ARHGEF10: variants seen among roughly 807,000 people sequenced by gnomAD.
The protein encoded by ARHGEF10 is Rho guanine nucleotide exchange factor (GEF) 10.
In ARHGEF10, 140 loss-of-function variants were observed where a neutral mutation model predicts 147.4. The observed-to-expected ratio is 0.95, with a 90% CI of 0.83 to 1.09. The LOEUF (loss-of-function observed/expected upper bound fraction) is 1.09. Among genes scored for constraint, ARHGEF10 ranks in the 50% least tolerant of loss-of-function variants. ARHGEF10 has a pLI of 0.00. For synonymous variants in ARHGEF10, 902 were observed against 695.8 expected (o/e 1.30, Z -4.67); for missense variants, 2,222 against 1,752.7 (o/e 1.27, Z -4.78).
chr8:1,831,008 G>A (rs1016839929), intron 1 of ARHGEF10, among the ~76,000 whole-genome samples: 1 of 152,278 alleles, frequency 6.6e-6, no homozygotes, highest in African/African-American at 2.4e-5. Flanking sequence ...GCCAGGGCTG[G>A]AGGGCCGAAG....
At chr8:1,856,079 C>G (rs1202467583) in intron 2 of ARHGEF10, among the ~76,000 whole-genome samples, 3 of 152,146 alleles carry the variant, frequency 2.0e-5, no homozygotes, top group Non-Finnish European at 2.9e-5. Context: ...TTTGATTAGG[C>G]TTAAATTCAA....
chr8:1,824,968 G>C (rs1372306490), intron 1 of ARHGEF10, among the ~76,000 whole-genome samples: 1 of 41,708 alleles, frequency 2.4e-5, no homozygotes, highest in Non-Finnish European at 4.5e-5. Context: ...CACCCCACCT[G>C]TCCCCTCGCA....
At chr8:1,878,478 C>G (rs1433874383) in intron 8 of ARHGEF10, among the ~76,000 whole-genome samples, 1 of 152,212 alleles carries the variant, frequency 6.6e-6, no homozygotes, top group African/African-American at 2.4e-5. Flanking sequence ...AGCCACTGCA[C>G]CCGGCCTGCA....
rs1010543931 is a variant in ARHGEF10 at position 1,836,382 on chromosome 8, C to T, written c.-47-6971C>T. ...CTGCCCCCAGGGTCCATCTCACCTG[C>T]ACCAGGGCAGGGAGAGTGAGCCCCA... On this transcript the variant is annotated intron_variant, in intron 1 of 28. Coordinates refer to ENST00000349830, the MANE Select transcript of ARHGEF10 (RefSeq NM_014629.4). Among the ~76,000 whole-genome samples, 4 of 152,156 alleles carry T rather than the reference C, an allele frequency of 2.6e-5. No homozygotes were observed. In the East Asian group the frequency reaches 7.7e-4, roughly 29 times the overall value.
At chr8:1,873,502 TTTCCTCGTTTGAGAGGCGCCC>T (rs1459116802) in intron 7 of ARHGEF10, among the ~76,000 whole-genome samples, 2 of 110,798 alleles carry the variant, frequency 1.8e-5, no homozygotes, top group Admixed American at 1.7e-4. Context: ...TGCACCCGCA[TTTCCTCGTTTGAGAGGCGCCC>T]GCGGGGTAGT....
chr8:1,889,957 G>A (rs987593684), intron 11 of ARHGEF10, among the ~76,000 whole-genome samples: 1 of 149,418 alleles, frequency 6.7e-6, no homozygotes, highest in African/African-American at 2.5e-5. Context: ...ACACTGAGTG[G>A]GGGAGGGGTA....
At chr8:1,827,597 C>A (rs948337411) in intron 1 of ARHGEF10, among the ~76,000 whole-genome samples, 2 of 152,238 alleles carry the variant, frequency 1.3e-5, no homozygotes, top group African/African-American at 4.8e-5. Flanking sequence ...TGAGCCACTG[C>A]ATGCCCCGTC....
chr8:1,945,364 G>GC, intron 26 of ARHGEF10, 117 bp from the exon 27 acceptor site: 1 of 1,264,788 alleles, frequency 7.9e-7, no homozygotes, highest in Non-Finnish European at 1.1e-6. Flanking sequence ...TTGGAGCAAA[G>GC]CCTGCTACTG....
In ARHGEF10 at chr8:1,867,451, G is replaced by A. The variant is rs761035624; in HGVS notation, c.622+849G>A. 7.2e-5 allele frequency among the ~76,000 whole-genome samples: 11 copies of A among 152,170 alleles called. No individual in the cohort carries two copies. The East Asian group carries it at 1.5e-3, about 21-fold the overall frequency. ...CCTTGAAATGAGAGCAGTCTGCAAC[G>A]TAAACAGAGCAAAGAATTCCAAACT... On this transcript the variant is annotated intron_variant, in intron 6 of 28. Transcript: ENST00000349830.
intron 9 of ARHGEF10, among the ~76,000 whole-genome samples, chr8:1,880,717 C>T (rs1023658612): frequency 1.3e-5 from 2 of 152,156 alleles, no homozygotes; most frequent in Non-Finnish European, 2.9e-5. Flanking sequence ...AGTGTCGTGA[C>T]AGTCTGTTCT....
At chr8:1,829,927 C>A (rs1802986916) in intron 1 of ARHGEF10, among the ~76,000 whole-genome samples, 2 of 152,208 alleles carry the variant, frequency 1.3e-5, no homozygotes, top group African/African-American at 4.8e-5. Flanking sequence ...ATGAAAGGTG[C>A]AGCGTTTTGC....
In ARHGEF10 at chr8:1,826,348, GTGTA is replaced by G. The variant is rs1406027503; in HGVS notation, c.-48+2239_-48+2242del. Among the ~76,000 whole-genome samples the G allele has an allele frequency of 2.6e-5, 4 of 152,102 alleles. No homozygotes were observed. The East Asian group carries it at 7.7e-4, about 29-fold the overall frequency. On this transcript the variant is annotated intron_variant, in intron 1 of 28. Coordinates refer to ENST00000349830, the MANE Select transcript of ARHGEF10 (RefSeq NM_014629.4). ...TGTGCATACGTGTGCGTGTGTCTTT[GTGTA>G]TGTGTTTGTGTTTGTATGCATGTGT...
intron 26 of ARHGEF10, 25 bp downstream of exon 26, chr8:1,933,967 G>T: frequency 6.2e-7 from 1 of 1,614,142 alleles, no homozygotes. Context: ...TGGCTACACG[G>T]TGTGGAAAAA....
At chr8:1,862,485 C>T (rs892044128) in intron 4 of ARHGEF10, among the ~76,000 whole-genome samples, 1 of 152,230 alleles carries the variant, frequency 6.6e-6, no homozygotes, top group Non-Finnish European at 1.5e-5. Context: ...GCTGTTTAGG[C>T]GACTCCCTGG....
chr8:1,836,932 G>A (rs889218060), intron 1 of ARHGEF10, among the ~76,000 whole-genome samples: 6 of 152,146 alleles, frequency 3.9e-5, no homozygotes, highest in East Asian at 3.8e-4. Flanking sequence ...CCGCCGCCAC[G>A]TAAGAAGTGC....
chr8:1,868,438 A>T (rs1272630200), intron 6 of ARHGEF10, among the ~76,000 whole-genome samples: 4 of 152,204 alleles, frequency 2.6e-5, no homozygotes, highest in African/African-American at 9.6e-5. Flanking sequence ...TTTTTATGAA[A>T]CGGATTTTCA....
Position 1,957,301 on chromosome 8 carries a change from A to G in ARHGEF10, c.*38A>G. On this transcript the variant is annotated 3_prime_UTR_variant, in exon 29 of 29. Coordinates refer to ENST00000349830, the MANE Select transcript of ARHGEF10 (RefSeq NM_014629.4). ...CCTTCTGCTGTCAGAATTTGCAATC[A>G]AGGGTGACTTCTCAGCTAATCCTAC... 6.3e-7 allele frequency: 1 copy of G among 1,593,444 alleles called. No individual in the cohort carries two copies. The highest frequency in any genetic ancestry group is 8.5e-7 in the Non-Finnish European group (1 of 1,173,016).
intron 11 of ARHGEF10, 103 bp from the exon 12 acceptor site, chr8:1,893,466 A>G (rs777755660): frequency 2.2e-5 from 18 of 804,304 alleles, no homozygotes; most frequent in Non-Finnish European, 3.9e-5. Flanking sequence ...TGTTTTCTAA[A>G]AATAGAAAAG....
At chr8:1,879,309 C>A (rs1368224849) in intron 8 of ARHGEF10, among the ~76,000 whole-genome samples, 1 of 152,004 alleles carries the variant, frequency 6.6e-6, no homozygotes, top group African/African-American at 2.4e-5. Context: ...GCTGCCATCC[C>A]CAAAATATGT....
Sources: gnomAD v4.1 joint callset for allele counts (sites outside exome capture counted in the v4.1 genomes callset) on GRCh38, gnomAD v4.1.1 for gene constraint, MANE v1.5 for transcripts, NCBI Gene and HGNC (gene_info 2026-07-23, HGNC 2026-07-21) for gene names.